SNX29: variants seen among roughly 807,000 people sequenced by gnomAD.
The protein encoded by SNX29 is sorting nexin-29.
In SNX29, 78 loss-of-function variants were observed where a neutral mutation model predicts 102.1. The observed-to-expected ratio is 0.76, with a 90% confidence interval of 0.64 to 0.92. The LOEUF (loss-of-function observed/expected upper bound fraction) is 0.92. SNX29 is among the 40% of genes least tolerant of loss of function. SNX29 has a pLI of 0.00. For missense variants in SNX29, 1,280 were observed against 1,061.7 expected (o/e 1.21, Z -2.86); for synonymous variants, 580 against 414.5 (o/e 1.40, Z -4.85).
At chr16:12,300,274 C>T (rs1446167259) in intron 15 of SNX29, among the ~76,000 whole-genome samples, 1 of 152,158 alleles carries the variant, frequency 6.6e-6, no homozygotes, top group African/African-American at 2.4e-5. Context: ...ATGAAAAGAA[C>T]CCTTTTTTGC....
At chr16:12,060,441 C>G (rs913773319) in intron 8 of SNX29, among the ~76,000 whole-genome samples, 1 of 152,030 alleles carries the variant, frequency 6.6e-6, no homozygotes, top group African/African-American at 2.4e-5. Context: ...AAAAACAAAA[C>G]AAAACAAAAA....
intron 18 of SNX29, among the ~76,000 whole-genome samples, chr16:12,412,329 A>G (rs947999702): frequency 2.0e-5 from 3 of 152,164 alleles, no homozygotes; most frequent in African/African-American, 7.2e-5. Flanking sequence ...TGTCTGCTCC[A>G]CGTTGCTCCT....
intron 20 of SNX29, among the ~76,000 whole-genome samples, chr16:12,545,119 A>G (rs1218892445): frequency 6.6e-6 from 1 of 152,210 alleles, no homozygotes; most frequent in East Asian, 1.9e-4. Context: ...CAGCTCTGTG[A>G]GGCCCCACTT....
At chr16:12,398,567 C>T in intron 17 of SNX29, 66 bp downstream of exon 17, 1 of 1,549,192 alleles carries the variant, frequency 6.5e-7, no homozygotes. Flanking sequence ...GGCTTCTGTC[C>T]CAGAAGACCA....
At chr16:12,468,169 CTTTTTTT>C (rs59089512) in intron 18 of SNX29, among the ~76,000 whole-genome samples, 37 of 92,700 alleles carry the variant, frequency 4.0e-4, no homozygotes, top group South Asian at 3.0e-3. Context: ...ACTCTGACTC[CTTTTTTT>C]TTTTTTTTTT....
At chr16:12,012,168 G>A (rs543393442) in intron 3 of SNX29, among the ~76,000 whole-genome samples, 1 of 152,276 alleles carries the variant, frequency 6.6e-6, no homozygotes, top group Admixed American at 6.5e-5. Flanking sequence ...CAATTATGGT[G>A]ACCTGTAATA....
chr16:12,526,808 C>T (rs899232183), intron 20 of SNX29: 13 of 409,658 alleles, frequency 3.2e-5, no homozygotes, highest in Admixed American at 2.8e-4. Flanking sequence ...ACAGCCCAGG[C>T]ATCTCCGGTC....
intron 14 of SNX29, among the ~76,000 whole-genome samples, chr16:12,201,181 A>T (rs560685913): frequency 6.6e-6 from 1 of 152,196 alleles, no homozygotes; most frequent in Non-Finnish European, 1.5e-5. Context: ...TCAGTGCAGA[A>T]TTAATCATCT....
intron 16 of SNX29, among the ~76,000 whole-genome samples, chr16:12,371,380 C>A (rs181060078): frequency 6.6e-5 from 10 of 152,216 alleles, no homozygotes; most frequent in African/African-American, 1.9e-4. Context: ...CTCACTGCAG[C>A]CTCAAACTCC....
intron 14 of SNX29, among the ~76,000 whole-genome samples, chr16:12,239,378 C>T (rs1015120451): frequency 6.6e-6 from 1 of 152,076 alleles, no homozygotes; most frequent in Non-Finnish European, 1.5e-5. Flanking sequence ...TCAGAACCCT[C>T]TTTGCTGGGT....
intron 1 of SNX29, among the ~76,000 whole-genome samples, chr16:11,980,567 C>T (rs752214538): frequency 2.6e-5 from 4 of 152,082 alleles, no homozygotes; most frequent in Non-Finnish European, 5.9e-5. Context: ...AACTGTTTAA[C>T]CATTTGAGGA....
rs1164095487 is a variant in SNX29 at position 12,572,764 on chromosome 16, C to A, written c.*4135C>A. 5 of 1,063,806 alleles carry A rather than the reference C, an allele frequency of 4.7e-6. 1 individual carries two copies. In the South Asian group the frequency reaches 1.8e-4, roughly 39 times the overall value. The allele number at this position is 1,063,806 out of a possible 1,614,324, so 65.9% of individuals were successfully genotyped here. ...GGCTGGGTTTTCAGCTTCTGGGACC[C>A]GAGGAAGACCCCACCTCACTCCTCC... On this transcript the variant is annotated 3_prime_UTR_variant, in exon 21 of 21. Coordinates refer to ENST00000566228, the MANE Select transcript of SNX29 (RefSeq NM_032167.5).
chr16:12,464,415 A>G (rs1267436054), intron 18 of SNX29, among the ~76,000 whole-genome samples: 1 of 152,066 alleles, frequency 6.6e-6, no homozygotes, highest in East Asian at 1.9e-4. Context: ...TGAGGGTACT[A>G]ATTTAATTTC....
intron 18 of SNX29, among the ~76,000 whole-genome samples, chr16:12,445,334 G>C (rs1428160133): frequency 6.6e-6 from 1 of 152,108 alleles, no homozygotes; most frequent in African/African-American, 2.4e-5. Context: ...GTTTGCTGAG[G>C]CCTTATCGAG....
chr16:12,310,268 C>A (rs2080495133), intron 15 of SNX29, among the ~76,000 whole-genome samples: 1 of 152,218 alleles, frequency 6.6e-6, no homozygotes, highest in South Asian at 2.1e-4. Context: ...AAGGATGTAA[C>A]AATGAGATAA....
intron 20 of SNX29, among the ~76,000 whole-genome samples, chr16:12,529,934 C>T (rs2076887382): frequency 6.6e-6 from 1 of 152,192 alleles, no homozygotes; most frequent in South Asian, 2.1e-4. Context: ...CTCAGCGTTA[C>T]CCAGTTGCCA....
chr16:12,113,812 C>G (rs2053586747), intron 11 of SNX29, among the ~76,000 whole-genome samples: 1 of 152,244 alleles, frequency 6.6e-6, no homozygotes, highest in African/African-American at 2.4e-5. Context: ...CGGACAGGAA[C>G]AGATGACGAG....
At chr16:12,526,498 A>G (rs1364888228) in intron 20 of SNX29, 3 of 498,598 alleles carry the variant, frequency 6.0e-6, no homozygotes, top group Non-Finnish European at 1.2e-5. Flanking sequence ...TGAATAGAAA[A>G]CAGTTTCTAG....
At chr16:12,335,921 C>T (rs909506849) in intron 15 of SNX29, among the ~76,000 whole-genome samples, 1 of 151,822 alleles carries the variant, frequency 6.6e-6, no homozygotes, top group Non-Finnish European at 1.5e-5. Context: ...AGGATTTGAA[C>T]CCAGGCAGTT....
Sources: gnomAD v4.1 joint callset for allele counts (sites outside exome capture counted in the v4.1 genomes callset) on GRCh38, gnomAD v4.1.1 for gene constraint, MANE v1.5 for transcripts, NCBI Gene and HGNC (gene_info 2026-07-23, HGNC 2026-07-21) for gene names.